NXPH1: variants seen among roughly 807,000 people sequenced by gnomAD.
The protein encoded by NXPH1 is neurexophilin 1, also known as neurexophilin-1.
In NXPH1, 5 loss-of-function variants were observed where a neutral mutation model predicts 23.7. The ratio of observed to expected loss-of-function variants is 0.21; its 90% CI spans 0.11 to 0.44. NXPH1 has a LOEUF of 0.44. NXPH1 is among the 20% of genes least tolerant of loss of function. NXPH1 has a pLI of 0.99. For synonymous variants in NXPH1, 144 were observed against 122.2 expected (o/e 1.18, Z -1.18); for missense variants, 324 against 321.6 (o/e 1.01, Z -0.06).
In NXPH1 at chr7:8,751,195, C is replaced by T; in HGVS notation, c.242C>T (p.Pro81Leu). 6.2e-7 allele frequency: 1 copy of T among 1,613,812 alleles called. No homozygotes were observed. Among genetic ancestry groups the T allele is most frequent in the Non-Finnish European group, 8.5e-7 (1 of 1,179,804 alleles). ...DLDLRYDTPE[P>L]YSEQDLWDWL... ...GACCTGAGATATGACACCCCAGAAC[C>T]TTATTCTGAGCAAGACCTCTGGGAC... Residue 81 changes from proline to leucine, a missense_variant, in exon 3 of 3, where the codon CCT (proline) becomes CTT (leucine). Pro to Leu is a moderately conservative substitution (Grantham distance 98). Transcript: ENST00000405863. The surrounding 1 kb of genome is among the most constrained non-coding windows in gnomAD (Gnocchi z 4.5).
At chr7:8,653,535 C>A (rs982915270) in intron 2 of NXPH1, among the ~76,000 whole-genome samples, 1 of 152,190 alleles carries the variant, frequency 6.6e-6, no homozygotes, top group Non-Finnish European at 1.5e-5. Context: ...ATCATCCAAT[C>A]TTTTGGCTTT....
chr7:8,477,538 G>C (rs1475581635), intron 2 of NXPH1, among the ~76,000 whole-genome samples: 1 of 152,094 alleles, frequency 6.6e-6, no homozygotes, highest in Non-Finnish European at 1.5e-5. Context: ...AGGATAGAGA[G>C]AGCTATGTAA....
intron 2 of NXPH1, among the ~76,000 whole-genome samples, chr7:8,666,803 A>G (rs1210332393): frequency 6.6e-6 from 1 of 151,972 alleles, no homozygotes. Context: ...AGATTATCCA[A>G]TTTGTTGGCA....
chr7:8,564,976 A>G (rs1818513662), intron 2 of NXPH1, among the ~76,000 whole-genome samples: 1 of 151,790 alleles, frequency 6.6e-6, no homozygotes, highest in Non-Finnish European at 1.5e-5. Context: ...CTCAGGAAGT[A>G]AACAAGTAGA....
chr7:8,456,480 AT>A (rs2128606229), intron 2 of NXPH1, among the ~76,000 whole-genome samples: 1 of 152,320 alleles, frequency 6.6e-6, no homozygotes, highest in Admixed American at 6.5e-5. Context: ...TGTGCTCAGC[AT>A]GTGACAAAAA....
At chr7:8,445,911 A>T (rs1816396238) in intron 2 of NXPH1, among the ~76,000 whole-genome samples, 1 of 152,224 alleles carries the variant, frequency 6.6e-6, no homozygotes, top group African/African-American at 2.4e-5. Context: ...GAGGAACTAC[A>T]ATGGCATGAT....
intron 2 of NXPH1, among the ~76,000 whole-genome samples, chr7:8,704,799 G>A (rs1470294592): frequency 1.3e-5 from 2 of 151,718 alleles, no homozygotes; most frequent in South Asian, 4.2e-4. Flanking sequence ...AACTTGACTT[G>A]CATCACCACA....
At chr7:8,671,983 T>C (rs2882244) in intron 2 of NXPH1, among the ~76,000 whole-genome samples, 104,234 of 151,910 alleles carry the variant, frequency 0.69, 36,718 homozygotes, top group East Asian at 1. Context: ...GAGTTCATTG[T>C]AGATTCTGGA....
intron 2 of NXPH1, among the ~76,000 whole-genome samples, chr7:8,711,027 T>C (rs940686820): frequency 2.0e-5 from 3 of 152,222 alleles, no homozygotes; most frequent in Non-Finnish European, 2.9e-5. Context: ...TTCCTACATC[T>C]TTCTGCTATA....
chr7:8,717,600 G>T (rs1221708852), intron 2 of NXPH1, among the ~76,000 whole-genome samples: 3 of 152,086 alleles, frequency 2.0e-5, no homozygotes, highest in East Asian at 1.9e-4. Flanking sequence ...GAGAAGTCCA[G>T]AATAAAGGTG....
intron 2 of NXPH1, among the ~76,000 whole-genome samples, chr7:8,645,121 A>G (rs1295169118): frequency 2.0e-5 from 3 of 152,186 alleles, no homozygotes; most frequent in East Asian, 3.8e-4. Flanking sequence ...ATTAGAAACA[A>G]TACTACTATG....
intron 2 of NXPH1, among the ~76,000 whole-genome samples, chr7:8,522,497 T>C (rs891851966): frequency 1.2e-4 from 18 of 152,190 alleles, no homozygotes; most frequent in African/African-American, 4.1e-4. Context: ...CATTATTGAT[T>C]TTATAGAGTA....
At chr7:8,554,232 G>A (rs561797172) in intron 2 of NXPH1, among the ~76,000 whole-genome samples, 13 of 151,736 alleles carry the variant, frequency 8.6e-5, no homozygotes, top group African/African-American at 3.1e-4. Flanking sequence ...TAACCTTCAG[G>A]CATTTAGGAT....
At chr7:8,640,751 G>C (rs1468870668) in intron 2 of NXPH1, among the ~76,000 whole-genome samples, 2 of 152,096 alleles carry the variant, frequency 1.3e-5, no homozygotes, top group Non-Finnish European at 2.9e-5. Context: ...GAGTCCAGGA[G>C]TTTGAAACTA....
intron 2 of NXPH1, among the ~76,000 whole-genome samples, chr7:8,492,263 A>G (rs1005114251): frequency 2.0e-5 from 3 of 152,000 alleles, no homozygotes; most frequent in Admixed American, 2.0e-4. Flanking sequence ...TAATCTTGTT[A>G]CTTGCCTTAT....
chr7:8,686,690 C>A (rs1475400034), intron 2 of NXPH1, among the ~76,000 whole-genome samples: 1 of 152,144 alleles, frequency 6.6e-6, no homozygotes, highest in East Asian at 1.9e-4. Context: ...ATTTCATCTG[C>A]CTTTGGTTCT....
chr7:8,611,704 T>C (rs1052312853), intron 2 of NXPH1, among the ~76,000 whole-genome samples: 1 of 152,144 alleles, frequency 6.6e-6, no homozygotes, highest in African/African-American at 2.4e-5. Context: ...TCTCTTGGTA[T>C]GTTGGAATGC....
chr7:8,513,696 G>A (rs1187263599), intron 2 of NXPH1, among the ~76,000 whole-genome samples: 1 of 152,082 alleles, frequency 6.6e-6, no homozygotes, highest in Non-Finnish European at 1.5e-5. Context: ...AAGGTAAGGA[G>A]GAGTCATCTG....
intron 2 of NXPH1, among the ~76,000 whole-genome samples, chr7:8,599,985 A>T (rs1412452821): frequency 2.0e-5 from 3 of 151,994 alleles, no homozygotes; most frequent in African/African-American, 7.3e-5. Context: ...GGATTGTGGG[A>T]GTGAGAATTA....
Sources: allele counts gnomAD v4.1 joint callset (sites outside exome capture counted in the v4.1 genomes callset), GRCh38; gene constraint gnomAD v4.1.1; non-coding constraint Gnocchi (gnomAD v3.1); transcripts MANE v1.5; gene names NCBI Gene and HGNC (gene_info 2026-07-23, HGNC 2026-07-21).